The following EEFSEC variants were observed in gnomAD, a reference collection of about 807,000 sequenced individuals.
EEFSEC encodes the protein selenocysteine-specific elongation factor.
A neutral mutation model predicts 42.1 loss-of-function variants in EEFSEC; 43 were observed. The ratio of observed to expected loss-of-function variants is 1.02; its 90% CI spans 0.80 to 1.32. The LOEUF (loss-of-function observed/expected upper bound fraction) is 1.32. Among genes scored for constraint, EEFSEC ranks in the 40% most tolerant of loss-of-function variants. The pLI is 0.00. For synonymous variants in EEFSEC, 354 were observed against 339.1 expected, an observed-to-expected ratio of 1.04 and a Z score of -0.48; for missense variants, 745 against 803.6, an observed-to-expected ratio of 0.93 and a Z score of 0.88.
chr3:128,344,665 C>T (rs2067291835), intron 5 of EEFSEC, among the ~76,000 whole-genome samples: 1 of 152,234 alleles, frequency 6.6e-6, no homozygotes, highest in Admixed American at 6.5e-5. Flanking sequence ...TCTTGAAAAG[C>T]TCGAATCTCC....
chr3:128,368,432 C>T (rs1174857301), intron 6 of EEFSEC, among the ~76,000 whole-genome samples: 1 of 142,454 alleles, frequency 7.0e-6, no homozygotes, highest in Non-Finnish European at 1.5e-5. Context: ...GAGACTCCAT[C>T]TCCAAAAAAA....
At chr3:128,228,215 T>A (rs1019325544) in intron 1 of EEFSEC, among the ~76,000 whole-genome samples, 2 of 152,088 alleles carry the variant, frequency 1.3e-5, no homozygotes, top group Non-Finnish European at 2.9e-5. Flanking sequence ...CCTGTCCCAG[T>A]GGGTGAAGCT....
intron 4 of EEFSEC, among the ~76,000 whole-genome samples, chr3:128,267,626 A>G (rs1332974399): frequency 6.6e-6 from 1 of 152,206 alleles, no homozygotes; most frequent in Non-Finnish European, 1.5e-5. Context: ...GCGCTTGATG[A>G]TTTCGGAGGT....
At chr3:128,380,677 T>G (rs1459847485) in intron 6 of EEFSEC, among the ~76,000 whole-genome samples, 1 of 152,268 alleles carries the variant, frequency 6.6e-6, no homozygotes, top group African/African-American at 2.4e-5. Context: ...CTTGCTGTTC[T>G]GGTCAGCGGT....
chr3:128,347,218 G>T (rs146536796), intron 5 of EEFSEC, among the ~76,000 whole-genome samples: 2 of 151,666 alleles, frequency 1.3e-5, no homozygotes, highest in African/African-American at 4.9e-5. Context: ...ATAAGTCCAC[G>T]TGTACTTCTA....
chr3:128,177,409 C>CCCCCAT (rs1427407308), intron 1 of EEFSEC, among the ~76,000 whole-genome samples: 1 of 145,388 alleles, frequency 6.9e-6, no homozygotes, highest in Non-Finnish European at 1.5e-5. Flanking sequence ...CCCACCCCCA[C>CCCCCAT]CCGCATCTCT....
intron 4 of EEFSEC, among the ~76,000 whole-genome samples, chr3:128,292,348 T>C (rs2066652908): frequency 6.6e-6 from 1 of 151,992 alleles, no homozygotes; most frequent in African/African-American, 2.4e-5. Flanking sequence ...GAGAAGAAGT[T>C]TTTGCTCTTT....
At chr3:128,425,722 G>A in the EEFSEC span, among the ~76,000 whole-genome samples, 1 of 152,062 alleles carries the variant, frequency 6.6e-6, no homozygotes, top group East Asian at 1.9e-4. Flanking sequence ...GCCCTCCTGG[G>A]CCCTCCTGTC....
At chr3:128,246,762 C>G (rs1332182896) in intron 1 of EEFSEC, 74 bp from the exon 2 acceptor site, 2 of 1,515,218 alleles carry the variant, frequency 1.3e-6, no homozygotes, top group East Asian at 2.3e-5. Flanking sequence ...GTGCTTTGAC[C>G]TGGGGCATTG....
intron 1 of EEFSEC, among the ~76,000 whole-genome samples, chr3:128,193,662 C>T (rs1277156069): frequency 2.0e-5 from 3 of 152,106 alleles, no homozygotes; most frequent in Non-Finnish European, 2.9e-5. Context: ...TTACCATGAC[C>T]CTGTAAGGAC....
At chr3:128,300,033 C>G (rs73197379) in intron 4 of EEFSEC, among the ~76,000 whole-genome samples, 1,629 of 152,246 alleles carry the variant, frequency 0.011, 12 homozygotes, top group Non-Finnish European at 0.015. Flanking sequence ...TTTTCTTCCC[C>G]AGGTGATGTT....
At chr3:128,159,211 TGTTA>T (rs756687743) in intron 1 of EEFSEC, among the ~76,000 whole-genome samples, 51 of 152,324 alleles carry the variant, frequency 3.3e-4, no homozygotes, top group East Asian at 3.9e-4. Context: ...GTGGTGGGAG[TGTTA>T]GTTAGCCTTA....
chr3:128,248,935 C>T (rs540162234), intron 2 of EEFSEC, among the ~76,000 whole-genome samples: 1 of 152,356 alleles, frequency 6.6e-6, no homozygotes, highest in African/African-American at 2.4e-5. Context: ...GGAAGCCCCT[C>T]CTGCCCTCAT....
intron 2 of EEFSEC, among the ~76,000 whole-genome samples, chr3:128,256,165 G>A (rs1049970870): frequency 6.6e-6 from 1 of 152,164 alleles, no homozygotes; most frequent in Non-Finnish European, 1.5e-5. Context: ...CAGAAAAAAT[G>A]TCTCAAATTG....
chr3:128,275,961 G>GC (rs1045919821), intron 4 of EEFSEC, among the ~76,000 whole-genome samples: 1 of 152,208 alleles, frequency 6.6e-6, no homozygotes, highest in African/African-American at 2.4e-5. Context: ...AGGCAAGAGA[G>GC]CCCCTCCAGG....
chr3:128,154,694 C>T (rs1944341102), intron 1 of EEFSEC, among the ~76,000 whole-genome samples: 2 of 152,180 alleles, frequency 1.3e-5, no homozygotes, highest in Non-Finnish European at 1.5e-5. Flanking sequence ...CATGACCCGC[C>T]CGCCCTGGCC....
At chr3:128,293,715 C>G (rs2066672868) in intron 4 of EEFSEC, among the ~76,000 whole-genome samples, 1 of 149,152 alleles carries the variant, frequency 6.7e-6, no homozygotes, top group African/African-American at 2.5e-5. Context: ...CATTAATAAC[C>G]CGAGCCACAG....
Position 128,341,560 on chromosome 3 carries a change from G to A in EEFSEC, c.1114G>A (p.Glu372Lys), listed in dbSNP as rs780856027. The A allele has an allele frequency of 3.7e-6, 6 of 1,614,076 alleles. No individual in the cohort carries two copies. In the South Asian group the frequency reaches 6.6e-5, roughly 18 times the overall value. The change falls in exon 5 of 7, where the codon GAA (glutamate) becomes AAA (lysine). Residue 372 changes from glutamate to lysine, a missense_variant. Transcript: ENST00000254730. ...PILDSFNFSQEYLFQEQYLSK... is the reference protein window; with the variant it reads ...PILDSFNFSQKYLFQEQYLSK... ...ACTGGACTCTTTCAACTTCTCTCAA[G>A]AATACCTTTTCCAGGAGCAGTACCT...
chr3:128,415,784 C>A, the EEFSEC span, among the ~76,000 whole-genome samples: 2 of 152,230 alleles, frequency 1.3e-5, no homozygotes, highest in Admixed American at 6.5e-5. Context: ...CAAGGAAGGT[C>A]TCCTGGCCGG....
Sources: gnomAD v4.1 joint callset for allele counts (sites outside exome capture counted in the v4.1 genomes callset) on GRCh38, gnomAD v4.1.1 for gene constraint, MANE v1.5 for transcripts, NCBI Gene and HGNC (gene_info 2026-07-23, HGNC 2026-07-21) for gene names.